Variants in ALG12 observed in about 807,000 individuals in gnomAD.
ALG12 encodes ALG12 alpha-1,6-mannosyltransferase, also known as dol-P-Man:Man(7)GlcNAc(2)-PP-Dol alpha-1,6-mannosyltransferase.
ALG12 carries 36 observed loss-of-function variants against 46.0 expected under a neutral mutation model. The observed-to-expected ratio is 0.78, with a 90% CI of 0.60 to 1.03. The LOEUF (loss-of-function observed/expected upper bound fraction) is 1.03. ALG12 is among the 50% of genes least tolerant of loss of function. The pLI, the probability that ALG12 is intolerant of heterozygous loss-of-function variation, is 0.00. For synonymous variants in ALG12, 326 were observed against 291.6 expected (o/e 1.12, Z -1.20); for missense variants, 599 against 633.5 (o/e 0.95, Z 0.58).
rs772376534 is a variant in ALG12, at chr22:49,913,443, G to T, written c.237C>A (p.Ser79Arg). ...ACAGCGAAAGCACGTAAACCGCGGG[G>T]CTGGAGAACACTGCGATCACCACTG... ...LGPVVIAVFS[S>R]PAVYVLSLLE... The change falls in exon 3 of 10, where the codon AGC (serine) becomes AGA (arginine). Residue 79 changes from serine to arginine, a missense_variant. Transcript: ENST00000330817. The T allele has an allele frequency of 6.2e-7, 1 of 1,614,032 alleles. No homozygotes were observed. The highest frequency in any genetic ancestry group is 1.7e-5 in the Admixed American group (1 of 60,036).
At chr22:49,864,184 C>G in the ALG12 span, among the ~76,000 whole-genome samples, 2 of 152,228 alleles carry the variant, frequency 1.3e-5, no homozygotes, top group East Asian at 3.8e-4. Context: ...GCAGGGCGTT[C>G]ACATGGGTGT....
the ALG12 span, among the ~76,000 whole-genome samples, chr22:49,860,617 A>G: frequency 2.0e-5 from 3 of 150,960 alleles, no homozygotes; most frequent in African/African-American, 7.4e-5. Flanking sequence ...CAAGAAAGAA[A>G]TAAGACAAAT....
rs2060590064 is a variant in ALG12 at position 49,913,298 on chromosome 22, T to C, written c.295+87A>G. The C allele has an allele frequency of 1.9e-6, 3 of 1,588,012 alleles. No homozygotes were observed. The African/African-American group carries it at 4.0e-5, about 21-fold the overall frequency. ...AGGCAAGACTAACAGACAGCGTTCC[T>C]GGGCAGGAGGGACCGCGGCCTCGCT... On this transcript the variant is annotated intron_variant, in intron 3 of 9. Transcript: ENST00000330817.
downstream of ALG12, among the ~76,000 whole-genome samples, chr22:49,898,588 C>T (rs189304717): frequency 1.3e-5 from 2 of 151,958 alleles, no homozygotes; most frequent in Admixed American, 1.3e-4. Context: ...CGGGGTTTCA[C>T]CATGTTGGCC....
At position 49,901,752 on chromosome 22, in the gene ALG12, G is replaced by GGGGTGTATGCA. The variant is rs2060507608; in HGVS notation, c.*2085_*2086insTGCATACACCC. On this transcript the variant is annotated 3_prime_UTR_variant, in exon 10 of 10. Coordinates refer to ENST00000330817, the MANE Select transcript of ALG12 (RefSeq NM_024105.4). The stretch of plus-strand genomic sequence containing the variant: ...TGGTGTGCACGTGCATTGTGCATGC[G>GGGGTGTATGCA]TGGTGTATGCATGGTAATGTGCACG... 1 of 82,282 alleles carries GGGGTGTATGCA rather than the reference G, an allele frequency of 1.2e-5. No homozygotes were observed. The highest frequency in any genetic ancestry group is 2.1e-5 in the Non-Finnish European group (1 of 47,810). 5.1% of individuals were successfully genotyped at this position (82,282 alleles called of 1,614,324 possible). A position where few individuals can be genotyped will look rare whatever the true frequency, so the allele number is the denominator to read the frequency against.
the ALG12 span, among the ~76,000 whole-genome samples, chr22:49,882,570 A>T: frequency 7.3e-4 from 111 of 152,286 alleles, no homozygotes; most frequent in South Asian, 0.023. Flanking sequence ...TCGTCCTCCG[A>T]GCTTCGGCTC....
the ALG12 span, chr22:49,884,250 G>T: frequency 6.2e-7 from 1 of 1,604,660 alleles, no homozygotes; most frequent in Non-Finnish European, 8.5e-7. Context: ...CTGCGGACGC[G>T]GGTGACCTCA....
the ALG12 span, among the ~76,000 whole-genome samples, chr22:49,868,640 C>T: frequency 6.6e-6 from 1 of 152,010 alleles, no homozygotes; most frequent in South Asian, 2.1e-4. Flanking sequence ...TGATTATAAA[C>T]CTCCAAGTAA....
downstream of ALG12, among the ~76,000 whole-genome samples, chr22:49,898,389 A>AT (rs758429671): frequency 4.7e-5 from 7 of 149,142 alleles, no homozygotes; most frequent in African/African-American, 7.5e-5. Context: ...CTCTTGAGTG[A>AT]TTTTTTTCTT....
At chr22:49,895,522 C>T (rs772846144), downstream of ALG12, among the ~76,000 whole-genome samples, 98 of 151,996 alleles carry the variant, frequency 6.4e-4, no homozygotes, top group African/African-American at 7.5e-4. Context: ...TGTGGTGGTG[C>T]GCACCTGTGG....
At chr22:49,883,624 T>C in the ALG12 span, 1 of 1,489,204 alleles carries the variant, frequency 6.7e-7, no homozygotes, top group Non-Finnish European at 9.0e-7. Context: ...ATCAGTGTTT[T>C]ATGAACCTAA....
chr22:49,887,256 T>C, the ALG12 span: 1 of 1,452,802 alleles, frequency 6.9e-7, no homozygotes, highest in African/African-American at 1.4e-5. Context: ...TGACCCGCTC[T>C]GCCCACGGCT....
rs375721419 is a variant in ALG12 at position 49,904,347 on chromosome 22, G to A, written c.1152C>T (p.Pro384=). Residue 384 remains proline (P), a synonymous_variant, in exon 8 of 10, where the codon CCC becomes CCT. Coordinates refer to ENST00000330817, the MANE Select transcript of ALG12 (RefSeq NM_024105.4). ...VAMQRLHQLV[P]PQTDVLLHID... ...GCCCCCAGCACCCACCTGTCTGGGGGGGCACCAGCTGGTGCAGCCTCTGCA... is the reference window on the plus strand; with the variant it reads ...GCCCCCAGCACCCACCTGTCTGGGGAGGCACCAGCTGGTGCAGCCTCTGCA... The A allele has an allele frequency of 4.3e-6, 7 of 1,614,190 alleles. No homozygotes were observed. The highest frequency in any genetic ancestry group is 2.5e-6 in the Non-Finnish European group (3 of 1,180,042).
At chr22:49,892,552 T>C in the ALG12 span, among the ~76,000 whole-genome samples, 6 of 152,158 alleles carry the variant, frequency 3.9e-5, no homozygotes, top group Non-Finnish European at 8.8e-5. Flanking sequence ...AACCCAAATA[T>C]AGCAGCAAAA....
chr22:49,885,606 T>G, the ALG12 span: 1 of 1,610,014 alleles, frequency 6.2e-7, no homozygotes, highest in Non-Finnish European at 8.5e-7. Flanking sequence ...ATGAGAAGTT[T>G]TACGATTCTC....
the ALG12 span, among the ~76,000 whole-genome samples, chr22:49,890,430 A>G: frequency 0.92 from 140,615 of 152,316 alleles, 65,012 homozygotes; most frequent in African/African-American, 0.98. Flanking sequence ...AAAGAATTGC[A>G]GGCTCTGGGA....
chr22:49,901,790 G>GTGTATGCA lies in ALG12; in HGVS notation c.*2047_*2048insTGCATACA, dbSNP rs2060508560. Reference sequence around the variant, plus strand: ...GGTAATGTGCACGTGTGCACTGTGTGTGGTATGTATGCATGGTGTGTGCAC... The same window carrying GTGTATGCA: ...GGTAATGTGCACGTGTGCACTGTGTGTGTATGCATGGTATGTATGCATGGTGTGTGCAC... On this transcript the variant is annotated 3_prime_UTR_variant, in exon 10 of 10. Transcript: ENST00000330817. 30 of 131,682 alleles carry GTGTATGCA rather than the reference G, an allele frequency of 2.3e-4. No homozygotes were observed. The highest frequency in any genetic ancestry group is 8.5e-4 in the African/African-American group (25 of 29,272). The allele number at this position is 131,682 out of a possible 1,614,324, so 8.2% of individuals were successfully genotyped here. A position where few individuals can be genotyped will look rare whatever the true frequency, so the allele number is the denominator to read the frequency against.
chr22:49,883,693 G>T, the ALG12 span: 1 of 1,597,914 alleles, frequency 6.3e-7, no homozygotes, highest in Non-Finnish European at 8.6e-7. Flanking sequence ...TTGTCCCAAA[G>T]AGGACGGTGA....
At chr22:49,897,315 A>G (rs1442572327), downstream of ALG12, among the ~76,000 whole-genome samples, 1 of 152,166 alleles carries the variant, frequency 6.6e-6, no homozygotes, top group Non-Finnish European at 1.5e-5. Context: ...TGTGGACGTA[A>G]GTTTTCAACT....
Sources: allele counts gnomAD v4.1 joint callset (sites outside exome capture counted in the v4.1 genomes callset), GRCh38; gene constraint gnomAD v4.1.1; transcripts MANE v1.5; gene names NCBI Gene and HGNC (gene_info 2026-07-23, HGNC 2026-07-21).